The following SNAPC3 variants were observed in gnomAD, a reference collection of about 807,000 sequenced individuals.
SNAPC3 encodes the protein small nuclear RNA activating complex polypeptide 3.
SNAPC3 carries 56 observed loss-of-function variants against 47.7 expected under a neutral mutation model. The ratio of observed to expected loss-of-function variants is 1.18; its 90% CI spans 0.95 to 1.47. The LOEUF (loss-of-function observed/expected upper bound fraction) is 1.47, where lower values mean the gene tolerates loss of function less well. Among genes scored for constraint, SNAPC3 ranks in the 40% most tolerant of loss-of-function variants. The pLI is 0.00. For missense variants in SNAPC3, 665 were observed against 511.3 expected (o/e 1.30, Z -2.90); for synonymous variants, 235 against 189.9 (o/e 1.24, Z -1.95).
intron 2 of SNAPC3, among the ~76,000 whole-genome samples, chr9:15,427,673 T>C (rs967143760): frequency 6.6e-6 from 1 of 152,130 alleles, no homozygotes; most frequent in African/African-American, 2.4e-5. Flanking sequence ...TTTAATACAA[T>C]AGAAATTTTA....
At chr9:15,434,164 C>G (rs1475646678) in intron 3 of SNAPC3, among the ~76,000 whole-genome samples, 2 of 152,100 alleles carry the variant, frequency 1.3e-5, no homozygotes, top group Non-Finnish European at 2.9e-5. Flanking sequence ...ATAAAATTTA[C>G]CATTTTGACC....
chr9:15,426,849 A>C (rs2031470066), intron 2 of SNAPC3, among the ~76,000 whole-genome samples: 2 of 152,170 alleles, frequency 1.3e-5, no homozygotes, highest in African/African-American at 4.8e-5. Context: ...GTATTCTTCA[A>C]CTGGGGTTAT....
At chr9:15,453,259 G>A (rs2034532322) in intron 7 of SNAPC3, 54 bp downstream of exon 7, 7 of 1,373,844 alleles carry the variant, frequency 5.1e-6, no homozygotes, top group Non-Finnish European at 7.0e-6. Context: ...TTATTTCAGA[G>A]TACAAAACCA....
In SNAPC3 at chr9:15,422,994, A is replaced by T. The variant is rs2030743443; in HGVS notation, c.115A>T (p.Thr39Ser). The T allele has an allele frequency of 1.9e-6, 3 of 1,544,726 alleles. No individual in the cohort carries two copies. The highest frequency in any genetic ancestry group is 2.9e-5 in the African/African-American group (2 of 69,944). The change falls in exon 1 of 9, where the codon ACG becomes TCG. Residue 39 changes from threonine to serine, a missense_variant. Coordinates refer to ENST00000380821, the MANE Select transcript of SNAPC3 (RefSeq NM_001039697.2). Reference protein sequence around the residue: ...FPEYELPELNTRAFHVGAFGE... With the variant: ...FPEYELPELNSRAFHVGAFGE... ...AGAGTATGAGCTTCCCGAGCTAAAT[A>T]CGCGCGCTTTCCATGTGGGCGCCTT...
At chr9:15,463,140 A>G (rs922177542), downstream of SNAPC3, 1 of 150,960 alleles carries the variant, frequency 6.6e-6, no homozygotes, top group Non-Finnish European at 1.5e-5. Context: ...TCAGATTCAG[A>G]TAGATGTATC....
chr9:15,441,122 T>A (rs1293056042), intron 3 of SNAPC3, among the ~76,000 whole-genome samples: 1 of 152,014 alleles, frequency 6.6e-6, no homozygotes, highest in Non-Finnish European at 1.5e-5. Context: ...TTAAAGTTGA[T>A]ACATAATGAT....
downstream of SNAPC3, chr9:15,462,994 A>G (rs1260223644): frequency 2.2e-4 from 33 of 152,116 alleles, no homozygotes; most frequent in Non-Finnish European, 1.5e-5. Context: ...TAACCAGGTA[A>G]GTGTATGAGT....
downstream of SNAPC3, chr9:15,462,610 T>G (rs1484218427): frequency 6.6e-6 from 1 of 152,188 alleles, no homozygotes; most frequent in African/African-American, 2.4e-5. Flanking sequence ...GGTAGTTGAA[T>G]TTGACTTTTA....
At chr9:15,465,039 A>G (rs148590935), downstream of SNAPC3, 191 of 223,224 alleles carry the variant, frequency 8.6e-4, 1 homozygote, top group African/African-American at 3.8e-3. Context: ...GAGTACTTGT[A>G]TAGAAGTAAC....
At chr9:15,464,071 T>C (rs143703903), downstream of SNAPC3, 406 of 177,682 alleles carry the variant, frequency 2.3e-3, 2 homozygotes, top group Middle Eastern at 0.011. Context: ...CAGAGTTTGA[T>C]AGAAAAATTC....
chr9:15,423,858 G>A, intron 1 of SNAPC3, 51 bp from the exon 2 acceptor site: 1 of 1,073,420 alleles, frequency 9.3e-7, no homozygotes, highest in South Asian at 1.6e-5. Flanking sequence ...AACTCGCTGT[G>A]AACCAGATGC....
chr9:15,435,525 A>G (rs2032683815), intron 3 of SNAPC3, among the ~76,000 whole-genome samples: 1 of 152,008 alleles, frequency 6.6e-6, no homozygotes, highest in Admixed American at 6.6e-5. Flanking sequence ...GTGAGCCAGT[A>G]TCATGCCACT....
Position 15,434,873 on chromosome 9 carries a change from T to C in SNAPC3, c.477+1237T>C, listed in dbSNP as rs542379093. On this transcript the variant is annotated intron_variant, in intron 3 of 8. Coordinates refer to ENST00000380821, the MANE Select transcript of SNAPC3 (RefSeq NM_001039697.2). ...TTGGGTTCTTTTATCTTTTGGCTAT[T>C]GCGAATAATGCTGCTATGAAAATTG... is the stretch of plus-strand genomic sequence containing the variant. Among the ~76,000 whole-genome samples, 11 of 152,360 alleles carry C rather than the reference T, an allele frequency of 7.2e-5. No individual in the cohort carries two copies. The East Asian group carries it at 1.5e-3, about 21-fold the overall frequency.
intron 6 of SNAPC3, 27 bp downstream of exon 6, chr9:15,451,429 G>T (rs1311913696): frequency 2.7e-6 from 3 of 1,111,662 alleles, no homozygotes; most frequent in Non-Finnish European, 4.0e-6. Context: ...TCTTCTCAAA[G>T]TCTTTCCTAT....
At chr9:15,438,139 T>C (rs962892405) in intron 3 of SNAPC3, among the ~76,000 whole-genome samples, 5 of 152,218 alleles carry the variant, frequency 3.3e-5, no homozygotes, top group Admixed American at 6.5e-5. Context: ...GGTTTTTCAT[T>C]GCTGATTCAA....
Position 15,444,703 on chromosome 9 carries a change from T to TG in SNAPC3, c.579_580insG (p.Lys194GlufsTer31). 1.3e-6 allele frequency: 2 copies of TG among 1,527,026 alleles called. No individual in the cohort carries two copies. The highest frequency in any genetic ancestry group is 1.8e-6 in the Non-Finnish European group (2 of 1,104,302). The allele number at this position is 1,527,026 out of a possible 1,614,324, so 94.6% of individuals were successfully genotyped here. A position where few individuals can be genotyped will look rare whatever the true frequency, so the allele number is the denominator to read the frequency against. ...ATATCTTGTACCCTGTTATATTTCA[T>TG]AAGGTAAGTAGTAAAACCTTTTGGA... On this transcript the variant is annotated frameshift_variant, in exon 4 of 9. Coordinates refer to ENST00000380821, the MANE Select transcript of SNAPC3 (RefSeq NM_001039697.2). LOFTEE classifies it high-confidence loss of function.
intron 3 of SNAPC3, among the ~76,000 whole-genome samples, chr9:15,441,603 G>A (rs2033389519): frequency 6.6e-6 from 1 of 151,628 alleles, no homozygotes; most frequent in Non-Finnish European, 1.5e-5. Context: ...GACTCTTAAG[G>A]AGCATGCTGC....
intron 5 of SNAPC3, among the ~76,000 whole-genome samples, chr9:15,451,107 C>G (rs1243954273): frequency 1.3e-5 from 2 of 152,102 alleles, no homozygotes; most frequent in Non-Finnish European, 2.9e-5. Context: ...TATTTGATTT[C>G]TAATTGGGTT....
chr9:15,462,593 C>A (rs1425508718), downstream of SNAPC3: 2 of 152,128 alleles, frequency 1.3e-5, no homozygotes, highest in Admixed American at 6.5e-5. Context: ...AACATGTCAA[C>A]CTGCTTGGTA....
Sources: allele counts gnomAD v4.1 joint callset (sites outside exome capture counted in the v4.1 genomes callset), GRCh38; gene constraint gnomAD v4.1.1; transcripts MANE v1.5; gene names NCBI Gene and HGNC (gene_info 2026-07-23, HGNC 2026-07-21).